Variants in GTF3C3 observed in about 807,000 individuals in gnomAD.
The protein encoded by GTF3C3 is general transcription factor 3C polypeptide 3.
GTF3C3 carries 75 observed loss-of-function variants against 105.2 expected under a neutral mutation model. The observed-to-expected ratio is 0.71, with a 90% CI of 0.59 to 0.86. GTF3C3 has a LOEUF of 0.86. GTF3C3 is among the 40% of genes least tolerant of loss of function. The pLI is 0.00. For synonymous variants in GTF3C3, 335 were observed against 370.4 expected (o/e 0.90, Z 1.10); for missense variants, 856 against 1,076.5 (o/e 0.80, Z 2.87).
intron 10 of GTF3C3, 133 bp downstream of exon 10, chr2:196,778,763 T>A: frequency 2.7e-6 from 2 of 752,100 alleles, no homozygotes; most frequent in Non-Finnish European, 4.6e-6. Flanking sequence ...CAAGACAATT[T>A]AAAATACTGA....
chr2:196,771,783 T>C lies in GTF3C3; in HGVS notation c.2225A>G (p.Asn742Ser), dbSNP rs752615877. 7.4e-6 allele frequency: 12 copies of C among 1,612,816 alleles called. No individual in the cohort carries two copies. The highest frequency in any genetic ancestry group is 2.7e-5 in the African/African-American group (2 of 74,910). Residue 742 changes from asparagine (N) to serine (S), a missense_variant, in exon 15 of 18, where the codon AAT becomes AGT. Asn to Ser is a conservative substitution (Grantham distance 46). Around this residue, in one of 3 missense-constraint regions of GTF3C3, gnomAD observed 605 missense variants for 833.6 expected, o/e 0.73. Coordinates refer to ENST00000263956, the MANE Select transcript of GTF3C3 (RefSeq NM_012086.5). ...NHALCVLNGH[N>S]AFVSGSFKHA... is the part of the protein sequence containing the mutation. Reference sequence around the variant, plus strand: ...CTTAAAACTACCAGATACAAATGCATTGTGTCCATTTAAGACACATAGGGC... The same window carrying C: ...CTTAAAACTACCAGATACAAATGCACTGTGTCCATTTAAGACACATAGGGC...
intron 17 of GTF3C3, among the ~76,000 whole-genome samples, chr2:196,765,631 G>A (rs998861688): frequency 8.0e-5 from 12 of 150,052 alleles, no homozygotes; most frequent in Non-Finnish European, 1.5e-4. Flanking sequence ...ATATAAATAT[G>A]TATAAAATAT....
At chr2:196,785,042 A>G in intron 7 of GTF3C3, 113 bp from the exon 8 acceptor site, 2 of 690,134 alleles carry the variant, frequency 2.9e-6, no homozygotes, top group Non-Finnish European at 4.7e-6. Flanking sequence ...TGGGCTATAA[A>G]AAGAAAGAGT....
chr2:196,766,827 A>G (rs538950519), intron 16 of GTF3C3, 110 bp from the exon 17 acceptor site: 1 of 745,648 alleles, frequency 1.3e-6, no homozygotes, highest in East Asian at 2.7e-5. Flanking sequence ...AAACCTATCT[A>G]TCTGCTTAGT....
At chr2:196,799,413 C>T in intron 1 of GTF3C3, 97 bp downstream of exon 1, 1 of 873,814 alleles carries the variant, frequency 1.1e-6, no homozygotes, top group East Asian at 2.4e-5. Context: ...AGTTCCCAGC[C>T]CGCCCCATCA....
At chr2:196,798,485 C>G (rs1330135626) in intron 1 of GTF3C3, among the ~76,000 whole-genome samples, 1 of 152,002 alleles carries the variant, frequency 6.6e-6, no homozygotes, top group Non-Finnish European at 1.5e-5. Flanking sequence ...GATCGCGTCA[C>G]TGCACTCCAG....
intron 1 of GTF3C3, 36 bp downstream of exon 1, chr2:196,799,474 A>C: frequency 6.7e-7 from 1 of 1,502,216 alleles, no homozygotes; most frequent in South Asian, 1.1e-5. Context: ...TGAAGGCAAC[A>C]AGAGTGAAGG....
At chr2:196,772,872 A>T in intron 14 of GTF3C3, 44 bp downstream of exon 14, 1 of 963,728 alleles carries the variant, frequency 1.0e-6, no homozygotes, top group Non-Finnish European at 1.6e-6. Flanking sequence ...ACATGTACTT[A>T]CTCTATTAAA....
At chr2:196,772,726 C>T (rs1275307161) in intron 14 of GTF3C3, among the ~76,000 whole-genome samples, 190 bp downstream of exon 14, 1 of 152,114 alleles carries the variant, frequency 6.6e-6, no homozygotes, top group Non-Finnish European at 1.5e-5. Flanking sequence ...AGCCAGTAGG[C>T]GTCAGGGCTG....
intron 8 of GTF3C3, among the ~76,000 whole-genome samples, chr2:196,781,363 T>C (rs369605656): frequency 2.4e-5 from 2 of 84,084 alleles, no homozygotes; most frequent in East Asian, 3.2e-4. Context: ...AAAAAATATA[T>C]ATATATATAT....
Position 196,776,193 on chromosome 2 carries a change from AAAAAC to A in GTF3C3, c.1594-87_1594-83del. On this transcript the variant is annotated intron_variant, in intron 11 of 17. Transcript: ENST00000263956. This position sits in a 1 kb window ranked among gnomAD's most constrained non-coding sequence, Gnocchi z 4.5. ...TTTATTTGCATAGAAACATTTTTAA[AAAAAC>A]AAACCATATTGCTTTATGGTCTTTC... 1.2e-6 allele frequency: 1 copy of A among 826,368 alleles called. No individual in the cohort carries two copies. Among genetic ancestry groups the A allele is most frequent in the East Asian group, 2.5e-5 (1 of 39,292 alleles). 51.2% of individuals were successfully genotyped at this position (826,368 alleles called of 1,614,324 possible).
intron 8 of GTF3C3, 84 bp downstream of exon 8, chr2:196,784,773 T>C (rs1423699954): frequency 2.7e-6 from 4 of 1,470,012 alleles, no homozygotes; most frequent in Non-Finnish European, 2.7e-6. Context: ...CTCACCACAG[T>C]ATGAAATAAA....
At chr2:196,783,820 C>T (rs1043115169) in intron 8 of GTF3C3, among the ~76,000 whole-genome samples, 28 of 152,168 alleles carry the variant, frequency 1.8e-4, no homozygotes, top group Admixed American at 1.8e-3. Flanking sequence ...ATTTGAACGC[C>T]TCTTCCCGCC....
At chr2:196,785,992 C>T (rs748804751) in intron 6 of GTF3C3, among the ~76,000 whole-genome samples, 1 of 152,088 alleles carries the variant, frequency 6.6e-6, no homozygotes, top group African/African-American at 2.4e-5. Context: ...AGTTCTCTTG[C>T]CCTGCACTCT....
At position 196,764,711 on chromosome 2, in the gene GTF3C3, T is replaced by C. The variant is rs751296291; in HGVS notation, c.2539-26A>G. ...CTAGGGAGAAAAAGATACCTTTATG[T>C]TTAATATTTCCAACTGTCAACCGGG... On this transcript the variant is annotated intron_variant, in intron 17 of 17. Coordinates refer to ENST00000263956, the MANE Select transcript of GTF3C3 (RefSeq NM_012086.5). 6 of 1,589,544 alleles carry C rather than the reference T, an allele frequency of 3.8e-6. No homozygotes were observed. In the African/African-American group the frequency reaches 8.1e-5, roughly 21 times the overall value.
rs1699000882 is a variant in GTF3C3 at position 196,763,234 on chromosome 2, G to A, written c.*1329C>T. 1 of 152,156 alleles carries A rather than the reference G, an allele frequency of 6.6e-6. No individual in the cohort carries two copies. Among genetic ancestry groups the A allele is most frequent in the African/African-American group, 2.4e-5 (1 of 41,422 alleles). The allele number at this position is 152,156 out of a possible 1,614,324, so 9.4% of individuals were successfully genotyped here. ...AGCTAAACAAAACTATACAATATCA[G>A]CTGGTTTTTTTTTCCCTTAGGGAGA... On this transcript the variant is annotated 3_prime_UTR_variant, in exon 18 of 18. Transcript: ENST00000263956.
At chr2:196,790,420 G>T (rs1021843823) in intron 4 of GTF3C3, among the ~76,000 whole-genome samples, 27 of 152,058 alleles carry the variant, frequency 1.8e-4, no homozygotes, top group Non-Finnish European at 2.9e-4. Context: ...ACATCAGTGG[G>T]GTTGAATCTT....
chr2:196,780,675 C>T lies in GTF3C3; in HGVS notation c.1115-13G>A. 3 of 1,607,690 alleles carry T rather than the reference C, an allele frequency of 1.9e-6. No homozygotes were observed. Among genetic ancestry groups the T allele is most frequent in the Non-Finnish European group, 2.6e-6 (3 of 1,176,218 alleles). On this transcript the variant is annotated splice_polypyrimidine_tract_variant and intron_variant, in intron 8 of 17. Transcript: ENST00000263956. ...ACATTCTCAGGAGCTGGAGAATACA[C>T]AGACAAGAAGCAGTTACTATATGCA... is the stretch of plus-strand genomic sequence containing the variant.
At chr2:196,774,786 A>T (rs1011939356) in intron 13 of GTF3C3, among the ~76,000 whole-genome samples, 4 of 152,238 alleles carry the variant, frequency 2.6e-5, no homozygotes, top group Non-Finnish European at 5.9e-5. Context: ...AATATATATA[A>T]GTGAAGTCTG....
Sources: gnomAD v4.1 joint callset for allele counts (sites outside exome capture counted in the v4.1 genomes callset) on GRCh38, gnomAD v4.1.1 for gene constraint, gnomAD v4.1.1 regional missense constraint, Gnocchi (gnomAD v3.1) non-coding constraint, MANE v1.5 for transcripts, NCBI Gene and HGNC (gene_info 2026-07-23, HGNC 2026-07-21) for gene names.